CSMD3: variants seen among roughly 807,000 people sequenced by gnomAD.
CSMD3 encodes the protein CUB and Sushi multiple domains 3.
Under a neutral mutation model 435.2 loss-of-function variants are expected in CSMD3, and 177 were observed. The ratio of observed to expected loss-of-function variants is 0.41; its 90% confidence interval spans 0.36 to 0.46. The LOEUF is 0.46. CSMD3 is among the 20% of genes least tolerant of loss of function. The probability of loss-of-function intolerance (pLI) is 0.34; values close to 1 mark genes in which losing one functional copy is unlikely to be tolerated. For synonymous variants in CSMD3, 1,656 were observed against 1,520.5 expected, an observed-to-expected ratio of 1.09 and a Z score of -2.07; for missense variants, 4,265 against 4,504.6, an observed-to-expected ratio of 0.95 and a Z score of 1.52.
intron 3 of CSMD3, among the ~76,000 whole-genome samples, chr8:113,256,010 C>T: frequency 6.6e-6 from 1 of 151,908 alleles, no homozygotes; most frequent in Admixed American, 6.6e-5. Context: ...TTACAATTTT[C>T]TATAGTAAGT....
In CSMD3 at chr8:112,571,110, C is replaced by T. The variant is rs190894284; in HGVS notation, c.4042+2391G>A. Among the ~76,000 whole-genome samples the T allele has an allele frequency of 1.3e-3, 193 of 152,240 alleles. 2 individuals carry two copies. Among genetic ancestry groups the T allele is most frequent in the Admixed American group, 5.8e-3 (89 of 15,282 alleles). On this transcript the variant is annotated intron_variant, in intron 24 of 70. Transcript: ENST00000297405. Reference sequence around the variant, plus strand: ...GCAACCTCTCCCTCCCAGGTTCAAGCGGTTCTCCTGCCTCACCCTCCCTAG... The same window carrying T: ...GCAACCTCTCCCTCCCAGGTTCAAGTGGTTCTCCTGCCTCACCCTCCCTAG...
At chr8:112,358,006 A>G (rs1414179982) in intron 38 of CSMD3, among the ~76,000 whole-genome samples, 2 of 152,134 alleles carry the variant, frequency 1.3e-5, no homozygotes, top group Non-Finnish European at 2.9e-5. Context: ...CAGACACTCA[A>G]TGTTAGCAGA....
chr8:112,807,666 G>A (rs753031796), intron 12 of CSMD3, among the ~76,000 whole-genome samples: 2 of 152,102 alleles, frequency 1.3e-5, no homozygotes, highest in Non-Finnish European at 2.9e-5. Flanking sequence ...CTGTACAACT[G>A]TCCTGTCAGA....
At chr8:113,360,598 G>A (rs2094267124) in intron 1 of CSMD3, among the ~76,000 whole-genome samples, 1 of 132,320 alleles carries the variant, frequency 7.6e-6, no homozygotes, top group Non-Finnish European at 1.5e-5. Context: ...TTTTGAGACG[G>A]AGTCTCGCTC....
At chr8:113,069,142 C>T (rs2088991934) in intron 5 of CSMD3, among the ~76,000 whole-genome samples, 1 of 152,072 alleles carries the variant, frequency 6.6e-6, no homozygotes, top group South Asian at 2.1e-4. Flanking sequence ...ATTAAGTTCC[C>T]TAATTTGCTT....
intron 63 of CSMD3, among the ~76,000 whole-genome samples, chr8:112,252,952 G>T (rs1272489040): frequency 6.6e-6 from 1 of 151,518 alleles, no homozygotes; most frequent in Non-Finnish European, 1.5e-5. Context: ...GATTATAATA[G>T]AATCCTTAGA....
chr8:112,549,631 TC>T (rs1426838423), intron 27 of CSMD3, among the ~76,000 whole-genome samples: 5 of 152,054 alleles, frequency 3.3e-5, no homozygotes, highest in African/African-American at 1.2e-4. Flanking sequence ...TTATTTATTT[TC>T]AAGACATTTC....
At chr8:112,288,134 T>A (rs189490737) in intron 57 of CSMD3, among the ~76,000 whole-genome samples, 1 of 152,088 alleles carries the variant, frequency 6.6e-6, no homozygotes, top group African/African-American at 2.4e-5. Flanking sequence ...CTTCATTATA[T>A]GTCCTTATTT....
rs2131581972 is a variant in CSMD3 at position 112,636,976 on chromosome 8, C to G, written c.3556G>C (p.Gly1186Arg). The G allele has an allele frequency of 6.2e-7, 1 of 1,613,554 alleles. No homozygotes were observed. The highest frequency in any genetic ancestry group is 8.5e-7 in the Non-Finnish European group (1 of 1,179,760). Residue 1186 changes from glycine (G) to arginine (R), a missense_variant, in exon 22 of 71, where the codon GGC becomes CGC. Physicochemically the swap from Gly to Arg is moderately radical, Grantham distance 125. Coordinates refer to ENST00000297405, the MANE Select transcript of CSMD3 (RefSeq NM_198123.2). ...ATTCGACTACCATATTGAGGAATGCCAGGATCTTCACAAGGTTCAAGGTTA... is the reference window on the plus strand; with the variant it reads ...ATTCGACTACCATATTGAGGAATGCGAGGATCTTCACAAGGTTCAAGGTTA... ...EYNLEPCEDPGIPQYGSRIGF... is the reference protein window; with the variant it reads ...EYNLEPCEDPRIPQYGSRIGF...
intron 36 of CSMD3, among the ~76,000 whole-genome samples, chr8:112,389,085 T>G (rs1326214156): frequency 6.6e-6 from 1 of 152,182 alleles, no homozygotes; most frequent in Non-Finnish European, 1.5e-5. Context: ...GCAAGAAAGA[T>G]GAACCACACA....
chr8:113,231,091 T>C (rs531795048), intron 3 of CSMD3, among the ~76,000 whole-genome samples: 1 of 151,602 alleles, frequency 6.6e-6, no homozygotes, highest in Admixed American at 6.6e-5. Flanking sequence ...TTCTGTATTC[T>C]TCCCTTTTGA....
chr8:112,487,354 A>C (rs1820240634), intron 31 of CSMD3, among the ~76,000 whole-genome samples: 1 of 152,156 alleles, frequency 6.6e-6, no homozygotes, highest in Non-Finnish European at 1.5e-5. Flanking sequence ...GCTGGGGTAA[A>C]AATAATCCAG....
intron 32 of CSMD3, among the ~76,000 whole-genome samples, chr8:112,416,603 T>C (rs562795008): frequency 2.0e-5 from 3 of 152,304 alleles, no homozygotes; most frequent in Admixed American, 2.0e-4. Context: ...TATATAGAGG[T>C]TCACTGATTT....
chr8:113,180,536 T>A (rs1363150919), intron 3 of CSMD3, among the ~76,000 whole-genome samples: 3 of 152,040 alleles, frequency 2.0e-5, no homozygotes, highest in Non-Finnish European at 4.4e-5. Flanking sequence ...GGGACTCTAA[T>A]TCATCTTTGT....
intron 5 of CSMD3, among the ~76,000 whole-genome samples, chr8:113,023,623 C>A (rs185976204): frequency 1.3e-5 from 2 of 152,144 alleles, no homozygotes; most frequent in Admixed American, 6.6e-5. Context: ...GCATATACTT[C>A]GCTTTGAGGC....
At chr8:112,251,962 A>G (rs896997250) in intron 63 of CSMD3, among the ~76,000 whole-genome samples, 1 of 151,904 alleles carries the variant, frequency 6.6e-6, no homozygotes, top group African/African-American at 2.4e-5. Flanking sequence ...ACTTTTTTCA[A>G]TGATAGAGTT....
chr8:113,259,189 C>G (rs1485474308), intron 3 of CSMD3, among the ~76,000 whole-genome samples: 1 of 152,146 alleles, frequency 6.6e-6, no homozygotes, highest in East Asian at 1.9e-4. Flanking sequence ...TGGTCTCATC[C>G]TTCTCTTGTC....
At chr8:112,312,203 T>C (rs1548986) in intron 49 of CSMD3, among the ~76,000 whole-genome samples, 30,765 of 152,164 alleles carry the variant, frequency 0.2, 3,720 homozygotes, top group East Asian at 0.39. Context: ...TATAGAAACA[T>C]AAGCTCAAGT....
chr8:112,936,596 CT>C (rs1160802595), intron 9 of CSMD3, among the ~76,000 whole-genome samples: 1 of 151,910 alleles, frequency 6.6e-6, no homozygotes, highest in Admixed American at 6.6e-5. Flanking sequence ...TTTCCTATAA[CT>C]TTTTTTCAAA....
Sources: gnomAD v4.1 joint callset for allele counts (sites outside exome capture counted in the v4.1 genomes callset) on GRCh38, gnomAD v4.1.1 for gene constraint, MANE v1.5 for transcripts, NCBI Gene and HGNC (gene_info 2026-07-23, HGNC 2026-07-21) for gene names.